The following AGO2 variants were observed in gnomAD, a reference collection of about 807,000 sequenced individuals.
AGO2 encodes argonaute RISC catalytic component 2.
Under a neutral mutation model 102.3 loss-of-function variants are expected in AGO2, and 5 were observed. The observed-to-expected ratio is 0.05, with a 90% CI of 0.03 to 0.10. AGO2 has a LOEUF of 0.10. Among genes scored for constraint, AGO2 ranks in the 10% least tolerant of loss-of-function variants. The pLI, the probability that AGO2 is intolerant of heterozygous loss-of-function variation, is 1.00. For synonymous variants in AGO2, 449 were observed against 473.1 expected (o/e 0.95, Z 0.66); for missense variants, 541 against 1,183.7 (o/e 0.46, Z 7.97).
intron 3 of AGO2, among the ~76,000 whole-genome samples, chr8:140,568,140 C>T (rs983170211): frequency 3.3e-5 from 5 of 150,362 alleles, no homozygotes; most frequent in South Asian, 2.1e-4. Flanking sequence ...GAAAATTAGC[C>T]GGGCATGGTG....
chr8:140,639,537 G>C (rs1470124025), upstream of AGO2, among the ~76,000 whole-genome samples: 2 of 151,210 alleles, frequency 1.3e-5, no homozygotes, highest in Non-Finnish European at 2.9e-5. Context: ...AAGTCTCAGT[G>C]CTTTGGGAGG....
intron 13 of AGO2, 143 bp downstream of exon 13, chr8:140,547,325 A>T: frequency 4.7e-6 from 5 of 1,065,912 alleles, no homozygotes; most frequent in Non-Finnish European, 5.2e-6. Context: ...TATGTCTGAC[A>T]TCTTTGCTCT....
At position 140,522,042 on chromosome 8, in the gene AGO2, A is replaced by G. The variant is rs2072424197; in HGVS notation, c.*10002T>C. On this transcript the variant is annotated 3_prime_UTR_variant, in exon 19 of 19. Transcript: ENST00000220592. ...TTCACAGGGGGGCAGTCGGGATTATAATACACTGTAGCAGTTGGCTGGGGA... is the reference window on the plus strand; with the variant it reads ...TTCACAGGGGGGCAGTCGGGATTATGATACACTGTAGCAGTTGGCTGGGGA... 1 of 152,158 alleles carries G rather than the reference A, an allele frequency of 6.6e-6. No individual in the cohort carries two copies. The highest frequency in any genetic ancestry group is 1.5e-5 in the Non-Finnish European group (1 of 68,028). The allele number at this position is 152,158 out of a possible 1,614,324, so 9.4% of individuals were successfully genotyped here.
At chr8:140,621,557 G>A (rs2074217851) in intron 1 of AGO2, among the ~76,000 whole-genome samples, 2 of 152,148 alleles carry the variant, frequency 1.3e-5, no homozygotes, top group Non-Finnish European at 2.9e-5. Context: ...TGGAGTCTGG[G>A]TACCGGACTC....
intron 14 of AGO2, among the ~76,000 whole-genome samples, chr8:140,541,894 T>G (rs569996359): frequency 1.3e-5 from 2 of 152,178 alleles, no homozygotes; most frequent in South Asian, 4.1e-4. Context: ...AGAGTGAGAC[T>G]CTATCTCAAA....
chr8:140,613,702 G>A (rs1319414110), intron 1 of AGO2, among the ~76,000 whole-genome samples: 1 of 152,070 alleles, frequency 6.6e-6, no homozygotes, highest in Non-Finnish European at 1.5e-5. Context: ...AGAAATTCGG[G>A]TCTGGTTTCT....
chr8:140,601,078 G>A (rs1317290168), intron 1 of AGO2, among the ~76,000 whole-genome samples: 19 of 152,202 alleles, frequency 1.2e-4, no homozygotes. Flanking sequence ...AGCAGCCAGA[G>A]ATACCAGGAA....
intron 1 of AGO2, among the ~76,000 whole-genome samples, chr8:140,606,918 C>T (rs969068784): frequency 1.3e-5 from 2 of 151,692 alleles, no homozygotes; most frequent in African/African-American, 4.8e-5. Context: ...GCCTGGGTGA[C>T]AGAGCAAGAC....
intron 10 of AGO2, among the ~76,000 whole-genome samples, chr8:140,552,635 AAG>A (rs1331315256): frequency 1.3e-5 from 2 of 152,144 alleles, no homozygotes; most frequent in South Asian, 2.1e-4. Flanking sequence ...CCCTGTGTGC[AAG>A]AGTCTCACAG....
chr8:140,590,800 T>A (rs2073736725), intron 1 of AGO2, among the ~76,000 whole-genome samples: 1 of 152,140 alleles, frequency 6.6e-6, no homozygotes, highest in South Asian at 2.1e-4. Context: ...GTGCACAGGC[T>A]CAGAGAATAC....
chr8:140,629,984 C>T (rs772046851), intron 1 of AGO2, among the ~76,000 whole-genome samples: 34 of 151,984 alleles, frequency 2.2e-4, no homozygotes, highest in Admixed American at 1.3e-3. Context: ...ACCCACACAG[C>T]CCGGTTCCTG....
chr8:140,552,730 G>GCGCA (rs1241816498), intron 10 of AGO2, among the ~76,000 whole-genome samples: 3 of 112,306 alleles, frequency 2.7e-5, no homozygotes, highest in African/African-American at 4.2e-5. Flanking sequence ...GCACATGCAC[G>GCGCA]CGCGCGCGCG....
At position 140,578,719 on chromosome 8, in the gene AGO2, G is replaced by A. The variant is rs532483742; in HGVS notation, c.216-5787C>T. On this transcript the variant is annotated intron_variant, in intron 2 of 18. Transcript: ENST00000220592. ...TGAAACGAAGGAAAAGGAGAACCACGGCCAAGCTGTTAGTGCTCGTTCTGC... is the reference window on the plus strand; with the variant it reads ...TGAAACGAAGGAAAAGGAGAACCACAGCCAAGCTGTTAGTGCTCGTTCTGC... 7.2e-5 allele frequency among the ~76,000 whole-genome samples: 11 copies of A among 152,244 alleles called. 1 individual carries two copies. In the South Asian group the frequency reaches 1.0e-3, roughly 14 times the overall value.
At chr8:140,536,811 G>C (rs1018158998) in intron 16 of AGO2, among the ~76,000 whole-genome samples, 8 of 152,190 alleles carry the variant, frequency 5.3e-5, no homozygotes, top group African/African-American at 1.9e-4. Context: ...GGGGAGGAAG[G>C]GGGACAGGGG....
chr8:140,585,999 T>C (rs1248363844), intron 1 of AGO2, among the ~76,000 whole-genome samples: 1 of 152,244 alleles, frequency 6.6e-6, no homozygotes, highest in Non-Finnish European at 1.5e-5. Flanking sequence ...TTGTTTCCTA[T>C]GAGAAAACTA....
rs1216177930 is a variant in AGO2 at position 140,529,356 on chromosome 8, G to C, written c.*2688C>G. On this transcript the variant is annotated 3_prime_UTR_variant, in exon 19 of 19. Transcript: ENST00000220592. The stretch of plus-strand genomic sequence containing the variant: ...TCTCAAAATTTATCCTAATAATGCA[G>C]GGATTGGTAAAAATTTGAGAAAACA... The C allele has an allele frequency of 6.6e-6, 1 of 152,138 alleles. No individual in the cohort carries two copies. The highest frequency in any genetic ancestry group is 1.5e-5 in the Non-Finnish European group (1 of 68,030). 9.4% of individuals were successfully genotyped at this position (152,138 alleles called of 1,614,324 possible). A position where few individuals can be genotyped will look rare whatever the true frequency, so the allele number is the denominator to read the frequency against.
intron 3 of AGO2, among the ~76,000 whole-genome samples, chr8:140,562,878 G>A (rs1173366692): frequency 6.6e-6 from 1 of 152,178 alleles, no homozygotes; most frequent in Non-Finnish European, 1.5e-5. Flanking sequence ...AGTGGCTGGT[G>A]TACTCACAGT....
intron 2 of AGO2, among the ~76,000 whole-genome samples, chr8:140,578,864 G>A (rs1192307168): frequency 7.2e-5 from 11 of 152,262 alleles, no homozygotes; most frequent in Non-Finnish European, 1.0e-4. Flanking sequence ...TGCTAATGCC[G>A]AGAAGCAAGT....
intron 3 of AGO2, chr8:140,572,403 C>T (rs548567403): frequency 1.3e-3 from 196 of 154,798 alleles, no homozygotes; most frequent in African/African-American, 4.4e-3. Context: ...GGATGGAATT[C>T]GTGGCGCACT....
Sources: gnomAD v4.1 joint callset for allele counts (sites outside exome capture counted in the v4.1 genomes callset) on GRCh38, gnomAD v4.1.1 for gene constraint, MANE v1.5 for transcripts, NCBI Gene and HGNC (gene_info 2026-07-23, HGNC 2026-07-21) for gene names.